The following PRR11 variants were observed in gnomAD, a reference collection of about 807,000 sequenced individuals.
PRR11 encodes proline rich 11, also known as proline-rich protein 11.
PRR11 carries 30 observed loss-of-function variants against 45.6 expected under a neutral mutation model. The ratio of observed to expected loss-of-function variants is 0.66; its 90% CI spans 0.49 to 0.89. The LOEUF is 0.89. Ranked by LOEUF, PRR11 falls within the 40% of genes least tolerant of loss-of-function variation. The pLI, the probability that PRR11 is intolerant of heterozygous loss-of-function variation, is 0.00. For missense variants in PRR11, 373 were observed against 424.8 expected, an observed-to-expected ratio of 0.88 and a Z score of 1.07; for synonymous variants, 128 against 153.5, an observed-to-expected ratio of 0.83 and a Z score of 1.23.
chr17:59,164,016 C>T (rs1363403066), intron 1 of PRR11, among the ~76,000 whole-genome samples: 1 of 152,142 alleles, frequency 6.6e-6, no homozygotes, highest in Non-Finnish European at 1.5e-5. Flanking sequence ...TTGCAGTGAG[C>T]TGAGATCATG....
chr17:59,197,137 G>A (rs558157017), intron 7 of PRR11, among the ~76,000 whole-genome samples: 24 of 152,070 alleles, frequency 1.6e-4, no homozygotes, highest in African/African-American at 4.8e-4. Context: ...GTGAGCCACC[G>A]CACCCTGCTT....
intron 2 of PRR11, among the ~76,000 whole-genome samples, chr17:59,182,389 CTTTTTTTTTT>C (rs147890743): frequency 9.3e-6 from 1 of 107,360 alleles, no homozygotes; most frequent in Non-Finnish European, 1.8e-5. Context: ...TCTGACCCTT[CTTTTTTTTTT>C]TTTTTTTTTT....
At chr17:59,171,109 A>G (rs988458745) in intron 2 of PRR11, among the ~76,000 whole-genome samples, 1 of 152,128 alleles carries the variant, frequency 6.6e-6, no homozygotes, top group Non-Finnish European at 1.5e-5. Flanking sequence ...AATACAAAAA[A>G]AAAATTAGCC....
rs1235933833 is a variant in PRR11, at chr17:59,205,526, A to G, written c.*3895A>G. On this transcript the variant is annotated 3_prime_UTR_variant, in exon 10 of 10. Transcript: ENST00000262293. ...AGACCAGTCTGGCCAACATGGTGAAACCCTGTCTCTACTAAAAATACAAAA... is the reference window on the plus strand; with the variant it reads ...AGACCAGTCTGGCCAACATGGTGAAGCCCTGTCTCTACTAAAAATACAAAA... 7.6e-6 allele frequency among the ~76,000 whole-genome samples: 1 copy of G among 131,434 alleles called. No individual in the cohort carries two copies. Among genetic ancestry groups the G allele is most frequent in the Non-Finnish European group, 1.6e-5 (1 of 63,796 alleles). The allele number at this position is 131,434 out of a possible 152,430, so 86.2% of individuals were successfully genotyped here.
At chr17:59,193,857 G>A in intron 5 of PRR11, 123 bp downstream of exon 5, 1 of 1,149,938 alleles carries the variant, frequency 8.7e-7, no homozygotes, top group Non-Finnish European at 1.2e-6. Flanking sequence ...GCTATATTTT[G>A]TTCTGATTCC....
Position 59,201,906 on chromosome 17 carries a change from G to C in PRR11, c.*275G>C. The C allele has an allele frequency of 2.7e-6, 1 of 364,212 alleles. No homozygotes were observed. Among genetic ancestry groups the C allele is most frequent in the South Asian group, 3.5e-5 (1 of 28,502 alleles). The allele number at this position is 364,212 out of a possible 1,614,324, so 22.6% of individuals were successfully genotyped here. ...GAATTGCTTGAACCCAAGAGGCAGA[G>C]GTTGCAGTGAGCCAAGATCGCGTCA... On this transcript the variant is annotated 3_prime_UTR_variant, in exon 10 of 10. Coordinates refer to ENST00000262293, the MANE Select transcript of PRR11 (RefSeq NM_018304.4).
At chr17:59,166,077 T>C (rs1336375111) in intron 1 of PRR11, among the ~76,000 whole-genome samples, 1 of 152,170 alleles carries the variant, frequency 6.6e-6, no homozygotes, top group Non-Finnish European at 1.5e-5. Context: ...CCATTAGGGG[T>C]GCCCTCTGCA....
chr17:59,181,498 G>A, intron 2 of PRR11: 1 of 1,128,948 alleles, frequency 8.9e-7, no homozygotes, highest in Non-Finnish European at 1.3e-6. Flanking sequence ...TGCTCTCTGG[G>A]GTGTCCTCCT....
At chr17:59,175,581 A>G (rs775884222) in intron 2 of PRR11, among the ~76,000 whole-genome samples, 47 of 152,184 alleles carry the variant, frequency 3.1e-4, no homozygotes, top group Non-Finnish European at 3.7e-4. Context: ...CATATCTACT[A>G]AAGATACAAA....
Position 59,195,486 on chromosome 17 carries a change from A to G in PRR11, c.857+43A>G, listed in dbSNP as rs2046861657. 4 of 1,303,870 alleles carry G rather than the reference A, an allele frequency of 3.1e-6. No individual in the cohort carries two copies. In the South Asian group the frequency reaches 5.0e-5, roughly 16 times the overall value. The allele number at this position is 1,303,870 out of a possible 1,614,324, so 80.8% of individuals were successfully genotyped here. On this transcript the variant is annotated intron_variant, in intron 7 of 9. Transcript: ENST00000262293. ...ACTATGCTCTACTACTACTTAAAAG[A>G]ATGATATTGTTGTACAAAGGCCTAA...
intron 1 of PRR11, among the ~76,000 whole-genome samples, chr17:59,168,641 G>A (rs151237716): frequency 0.03 from 4,633 of 152,058 alleles, 255 homozygotes; most frequent in African/African-American, 0.11. Context: ...AGTGAGCCAA[G>A]ATCATGCCAC....
At chr17:59,190,459 G>A (rs1168644060) in intron 4 of PRR11, among the ~76,000 whole-genome samples, 7 of 150,024 alleles carry the variant, frequency 4.7e-5, no homozygotes, top group Non-Finnish European at 7.4e-5. Flanking sequence ...TAGCCTGGGC[G>A]ACACAGCAAG....
At position 59,201,811 on chromosome 17, in the gene PRR11, A is replaced by T. The variant is rs547293300; in HGVS notation, c.*180A>T. On this transcript the variant is annotated 3_prime_UTR_variant, in exon 10 of 10. Transcript: ENST00000262293. ...CATGGTGAAACTCCTTCCCCACTAAAAATACAGAAATTAGCTGGGCATAGT... is the reference window on the plus strand; with the variant it reads ...CATGGTGAAACTCCTTCCCCACTAATAATACAGAAATTAGCTGGGCATAGT... The T allele has an allele frequency of 3.4e-6, 2 of 586,596 alleles. No individual in the cohort carries two copies. Among genetic ancestry groups the T allele is most frequent in the South Asian group, 3.8e-5 (2 of 52,216 alleles). The allele number at this position is 586,596 out of a possible 1,614,324, so 36.3% of individuals were successfully genotyped here.
In PRR11 at chr17:59,203,208, TTTTG is replaced by T. The variant is rs374237565; in HGVS notation, c.*1597_*1600del. On this transcript the variant is annotated 3_prime_UTR_variant, in exon 10 of 10. Coordinates refer to ENST00000262293, the MANE Select transcript of PRR11 (RefSeq NM_018304.4). ...GAGACCCACATCTATATATAGAGAT[TTTTG>T]TTTGTTTGTTTGTTTGTTTTGTTTT... Among the ~76,000 whole-genome samples the T allele has an allele frequency of 1.3e-3, 198 of 151,966 alleles. No individual in the cohort carries two copies. Among genetic ancestry groups the T allele is most frequent in the African/African-American group, 4.5e-3 (185 of 41,444 alleles).
chr17:59,194,307 A>AC (rs2046854673), intron 5 of PRR11, among the ~76,000 whole-genome samples: 1 of 150,524 alleles, frequency 6.6e-6, no homozygotes, highest in African/African-American at 2.5e-5. Context: ...ACACACACAA[A>AC]ACAAAACCTG....
intron 9 of PRR11, among the ~76,000 whole-genome samples, chr17:59,198,224 C>T (rs955985630): frequency 6.6e-6 from 1 of 151,984 alleles, no homozygotes; most frequent in African/African-American, 2.4e-5. Context: ...ATTTAGGCTT[C>T]ATAAAATTCT....
intron 9 of PRR11, among the ~76,000 whole-genome samples, chr17:59,199,923 T>C (rs2046884424): frequency 6.6e-6 from 1 of 152,282 alleles, no homozygotes. Flanking sequence ...ATACCCAAAA[T>C]TGTGAAGGGC....
At position 59,185,457 on chromosome 17, in the gene PRR11, A is replaced by G. The variant is rs1258270880; in HGVS notation, c.297A>G (p.Lys99=). Residue 99 remains lysine, a synonymous_variant, in exon 4 of 10, where the codon AAA becomes AAG. Transcript: ENST00000262293. ...AATTTCAGAGTTTAGAAGTATTGAAAGACACCATCTTTCCATCTCGTATCT... is the reference window on the plus strand; with the variant it reads ...AATTTCAGAGTTTAGAAGTATTGAAGGACACCATCTTTCCATCTCGTATCT... ...NCITQSLEVL[K]DTIFPSRICH... 1 of 1,602,800 alleles carries G rather than the reference A, an allele frequency of 6.2e-7. No homozygotes were observed. Among genetic ancestry groups the G allele is most frequent in the African/African-American group, 1.3e-5 (1 of 74,270 alleles).
At position 59,203,415 on chromosome 17, in the gene PRR11, G is replaced by C. The variant is rs1003158460; in HGVS notation, c.*1784G>C. 11 of 152,072 alleles carry C rather than the reference G, an allele frequency of 7.2e-5. No individual in the cohort carries two copies. Among genetic ancestry groups the C allele is most frequent in the African/African-American group, 2.7e-4 (11 of 41,384 alleles). 9.4% of individuals were successfully genotyped at this position (152,072 alleles called of 1,614,324 possible). ...AATTTTTGTATTTCTAGTAAAGATG[G>C]GGTTTCACTATGTTGGCCAGGCTGG... On this transcript the variant is annotated 3_prime_UTR_variant, in exon 10 of 10. Coordinates refer to ENST00000262293, the MANE Select transcript of PRR11 (RefSeq NM_018304.4).
Sources: allele counts gnomAD v4.1 joint callset (sites outside exome capture counted in the v4.1 genomes callset), GRCh38; gene constraint gnomAD v4.1.1; transcripts MANE v1.5; gene names NCBI Gene and HGNC (gene_info 2026-07-23, HGNC 2026-07-21).